The following GALNT10 variants were observed in gnomAD, a reference collection of about 807,000 sequenced individuals.
GALNT10 encodes polypeptide N-acetylgalactosaminyltransferase 10.
A neutral mutation model predicts 75.0 loss-of-function variants in GALNT10; 41 were observed. The ratio of observed to expected loss-of-function variants is 0.55; its 90% CI spans 0.43 to 0.71. The LOEUF (loss-of-function observed/expected upper bound fraction) is 0.71. Ranked by LOEUF, GALNT10 falls within the 30% of genes least tolerant of loss-of-function variation. The probability of loss-of-function intolerance (pLI) is 0.00; values close to 1 mark genes in which losing one functional copy is unlikely to be tolerated. For missense variants in GALNT10, 727 were observed against 818.5 expected, an observed-to-expected ratio of 0.89 and a Z score of 1.36; for synonymous variants, 302 against 313.0, an observed-to-expected ratio of 0.96 and a Z score of 0.37.
intron 5 of GALNT10, among the ~76,000 whole-genome samples, chr5:154,379,988 G>A (rs138138738): frequency 1.0e-3 from 153 of 152,318 alleles, no homozygotes; most frequent in East Asian, 9.1e-3. Flanking sequence ...GTGCTGGGGT[G>A]CCTACTGCTT....
chr5:154,312,025 T>C (rs940491532), intron 3 of GALNT10, among the ~76,000 whole-genome samples: 25 of 152,216 alleles, frequency 1.6e-4, no homozygotes, highest in Admixed American at 1.6e-3. Context: ...CTCCTCTGCA[T>C]GCATCGCATT....
At chr5:154,203,018 G>A (rs1206050514) in intron 1 of GALNT10, among the ~76,000 whole-genome samples, 1 of 152,232 alleles carries the variant, frequency 6.6e-6, no homozygotes, top group African/African-American at 2.4e-5. Flanking sequence ...GCTGCCAAGT[G>A]CCAAGCCAGA....
chr5:154,293,625 C>CTTTTTTTTTTT (rs1320287927), intron 1 of GALNT10, among the ~76,000 whole-genome samples: 7 of 128,060 alleles, frequency 5.5e-5, no homozygotes, highest in Non-Finnish European at 8.5e-5. Context: ...TTTTTTTTTC[C>CTTTTTTTTTTT]TTTCAGCCAT....
intron 4 of GALNT10, among the ~76,000 whole-genome samples, chr5:154,347,483 C>G (rs1314581930): frequency 6.6e-6 from 1 of 151,926 alleles, no homozygotes; most frequent in Non-Finnish European, 1.5e-5. Flanking sequence ...CCTACCTCGC[C>G]TCCCAAGTAA....
intron 4 of GALNT10, among the ~76,000 whole-genome samples, chr5:154,375,744 C>A (rs540334890): frequency 6.6e-6 from 1 of 152,298 alleles, no homozygotes; most frequent in African/African-American, 2.4e-5. Flanking sequence ...AAGGAAAGGG[C>A]CTCATTTTTC....
intron 4 of GALNT10, among the ~76,000 whole-genome samples, chr5:154,343,802 C>T (rs919547796): frequency 2.0e-5 from 3 of 152,182 alleles, no homozygotes; most frequent in Non-Finnish European, 4.4e-5. Context: ...AAAACTCACC[C>T]ATGAACATTT....
At chr5:154,262,724 G>T (rs1458573655) in intron 1 of GALNT10, among the ~76,000 whole-genome samples, 10 of 152,152 alleles carry the variant, frequency 6.6e-5, no homozygotes, top group African/African-American at 1.9e-4. Context: ...CTCCCTGGAG[G>T]CTGCACCCTC....
At chr5:154,279,390 G>T (rs1211279505) in intron 1 of GALNT10, among the ~76,000 whole-genome samples, 1 of 143,832 alleles carries the variant, frequency 7.0e-6, no homozygotes, top group African/African-American at 2.6e-5. Context: ...CACAACCTCC[G>T]CCTCCCAGGT....
At chr5:154,279,676 G>A (rs778519369) in intron 1 of GALNT10, among the ~76,000 whole-genome samples, 1 of 151,926 alleles carries the variant, frequency 6.6e-6, no homozygotes. Context: ...AAACTCCTAG[G>A]CTCAAGCAAT....
At chr5:154,267,103 A>T (rs475851) in intron 1 of GALNT10, among the ~76,000 whole-genome samples, 37,201 of 152,126 alleles carry the variant, frequency 0.24, 5,537 homozygotes, top group African/African-American at 0.42. Flanking sequence ...AAGCATGAAG[A>T]TGACCCAAAC....
At chr5:154,244,656 G>A (rs1266977140) in intron 1 of GALNT10, among the ~76,000 whole-genome samples, 1 of 152,168 alleles carries the variant, frequency 6.6e-6, no homozygotes, top group Admixed American at 6.5e-5. Flanking sequence ...CAGCAAGGGT[G>A]GCAGATGTGA....
At chr5:154,404,051 A>T (rs1283187434) in intron 7 of GALNT10, 53 bp from the exon 8 acceptor site, 3 of 1,387,268 alleles carry the variant, frequency 2.2e-6, no homozygotes, top group Non-Finnish European at 3.1e-6. Flanking sequence ...GCCTGGCGGG[A>T]TGGTGAACTG....
At chr5:154,204,852 G>T (rs1581917393) in intron 1 of GALNT10, among the ~76,000 whole-genome samples, 1 of 152,210 alleles carries the variant, frequency 6.6e-6, no homozygotes, top group Non-Finnish European at 1.5e-5. Flanking sequence ...TTATTTACTT[G>T]TTTATTTCTC....
intron 1 of GALNT10, among the ~76,000 whole-genome samples, chr5:154,238,701 C>T (rs1045834685): frequency 8.5e-5 from 13 of 152,236 alleles, no homozygotes; most frequent in African/African-American, 1.4e-4. Context: ...ACTGGGAAAG[C>T]GAAATTGGCC....
chr5:154,287,919 A>T (rs1487987623), intron 1 of GALNT10, among the ~76,000 whole-genome samples: 2 of 146,678 alleles, frequency 1.4e-5, no homozygotes, highest in African/African-American at 5.0e-5. Context: ...TGTGTGAGAG[A>T]GAGAGAGAGA....
intron 1 of GALNT10, among the ~76,000 whole-genome samples, chr5:154,261,756 A>T (rs1157409237): frequency 6.6e-6 from 1 of 152,048 alleles, no homozygotes; most frequent in African/African-American, 2.4e-5. Flanking sequence ...ATTGTTACTT[A>T]TTGTCTTCCC....
chr5:154,230,172 G>C (rs1428813920), intron 1 of GALNT10, among the ~76,000 whole-genome samples: 1 of 152,188 alleles, frequency 6.6e-6, no homozygotes, highest in Non-Finnish European at 1.5e-5. Context: ...CTATAATCCT[G>C]TGTACGCAAA....
At chr5:154,413,241 T>A (rs1202337260) in intron 10 of GALNT10, among the ~76,000 whole-genome samples, 1 of 152,214 alleles carries the variant, frequency 6.6e-6, no homozygotes, top group Admixed American at 6.5e-5. Flanking sequence ...TCAGCCCAAA[T>A]GGCCTTCAAC....
intron 1 of GALNT10, among the ~76,000 whole-genome samples, chr5:154,206,257 C>A (rs12652277): frequency 0.44 from 67,065 of 151,964 alleles, 15,670 homozygotes; most frequent in East Asian, 0.78. Flanking sequence ...TTAAAAAAAA[C>A]CTGAGCCATT....
Sources: allele counts gnomAD v4.1 joint callset (sites outside exome capture counted in the v4.1 genomes callset), GRCh38; gene constraint gnomAD v4.1.1; transcripts MANE v1.5; gene names NCBI Gene and HGNC (gene_info 2026-07-23, HGNC 2026-07-21).